Variants in KIF27 observed in about 807,000 individuals in gnomAD.
KIF27 encodes the protein kinesin-like protein KIF27.
Under a neutral mutation model 141.8 loss-of-function variants are expected in KIF27, and 84 were observed. The ratio of observed to expected loss-of-function variants is 0.59; its 90% CI spans 0.50 to 0.71. The LOEUF (loss-of-function observed/expected upper bound fraction) is 0.71. Among genes scored for constraint, KIF27 ranks in the 30% least tolerant of loss-of-function variants. KIF27 has a pLI of 0.00. For missense variants in KIF27, 1,306 were observed against 1,628.4 expected (o/e 0.80, Z 3.41); for synonymous variants, 471 against 569.5 (o/e 0.83, Z 2.46).
intron 14 of KIF27, among the ~76,000 whole-genome samples, chr9:83,855,618 G>A (rs1330108866): frequency 1.3e-5 from 2 of 152,084 alleles, no homozygotes; most frequent in South Asian, 2.1e-4. Flanking sequence ...AATACATAAC[G>A]AAACAAATTT....
chr9:83,908,735 T>C, intron 2 of KIF27, 83 bp from the exon 3 acceptor site: 1 of 809,930 alleles, frequency 1.2e-6, no homozygotes, highest in Non-Finnish European at 1.9e-6. Context: ...TAATTTATTT[T>C]ACTACATTTC....
At chr9:83,882,995 A>G (rs1245675911) in intron 10 of KIF27, among the ~76,000 whole-genome samples, 2 of 152,196 alleles carry the variant, frequency 1.3e-5, no homozygotes, top group Non-Finnish European at 2.9e-5. Context: ...ATATACTGGT[A>G]TATTACAATA....
At chr9:83,861,416 G>A (rs1227042751) in intron 13 of KIF27, among the ~76,000 whole-genome samples, 2 of 151,558 alleles carry the variant, frequency 1.3e-5, no homozygotes, top group African/African-American at 4.9e-5. Flanking sequence ...ACCTATGAGT[G>A]AGAATATGCG....
chr9:83,845,435 A>C (rs2131551015), intron 16 of KIF27, among the ~76,000 whole-genome samples: 1 of 152,294 alleles, frequency 6.6e-6, no homozygotes, highest in African/African-American at 2.4e-5. Flanking sequence ...TTACATGAGG[A>C]AGTGGCACAA....
intron 3 of KIF27, among the ~76,000 whole-genome samples, chr9:83,905,201 C>T (rs1307651785): frequency 6.6e-6 from 1 of 151,966 alleles, no homozygotes; most frequent in African/African-American, 2.4e-5. Flanking sequence ...TCACTGCAAG[C>T]TCCGCCTCCC....
rs1287070988 is a variant in KIF27 at position 83,853,851 on chromosome 9, A to G, written c.3151-16T>C. On this transcript the variant is annotated splice_polypyrimidine_tract_variant and intron_variant, in intron 14 of 17. Transcript: ENST00000297814. Reference sequence around the variant, plus strand: ...CATGTTCTTCCTAGATATAACAGAAATCACTCATTTTAAATGAAATAGTAT... The same window carrying G: ...CATGTTCTTCCTAGATATAACAGAAGTCACTCATTTTAAATGAAATAGTAT... The G allele has an allele frequency of 6.5e-6, 10 of 1,540,974 alleles. No individual in the cohort carries two copies. The highest frequency in any genetic ancestry group is 8.1e-6 in the Non-Finnish European group (9 of 1,114,362).
Position 83,852,410 on chromosome 9 carries a change from G to A in KIF27, c.3357+1219C>T, listed in dbSNP as rs1474856266. 4.7e-5 allele frequency among the ~76,000 whole-genome samples: 7 copies of A among 149,084 alleles called. 1 individual carries two copies. The East Asian group carries it at 1.2e-3, about 25-fold the overall frequency. On this transcript the variant is annotated intron_variant, in intron 15 of 17. Coordinates refer to ENST00000297814, the MANE Select transcript of KIF27 (RefSeq NM_017576.4). ...AGAGCTTGCACTGAGCCGAGATCAC[G>A]CCACTGCACTCCAGCCTGGGCGACA...
chr9:83,867,543 T>C, intron 13 of KIF27, 141 bp downstream of exon 13: 3 of 1,098,522 alleles, frequency 2.7e-6, no homozygotes, highest in Non-Finnish European at 3.6e-6. Context: ...CATTTTCCAA[T>C]TTCACCAGCA....
intron 13 of KIF27, among the ~76,000 whole-genome samples, chr9:83,866,818 G>A (rs1265684067): frequency 5.3e-5 from 8 of 151,926 alleles, no homozygotes; most frequent in African/African-American, 1.7e-4. Context: ...AGAGGTTGCA[G>A]TGAGCACAGA....
At chr9:83,840,994 G>A (rs938942342) in intron 17 of KIF27, among the ~76,000 whole-genome samples, 3 of 152,082 alleles carry the variant, frequency 2.0e-5, no homozygotes, top group African/African-American at 4.8e-5. Flanking sequence ...GCAGACCCCA[G>A]CCTATCCTGA....
intron 16 of KIF27, chr9:83,848,043 C>A (rs1261611556): frequency 2.1e-5 from 2 of 94,772 alleles, no homozygotes; most frequent in Non-Finnish European, 4.2e-5. Context: ...CTATATATAT[C>A]TACATATATC....
intron 3 of KIF27, among the ~76,000 whole-genome samples, chr9:83,905,458 G>C (rs1954422506): frequency 6.6e-6 from 1 of 152,066 alleles, no homozygotes; most frequent in Non-Finnish European, 1.5e-5. Context: ...GTGGACTTAG[G>C]AATTGAATCA....
intron 5 of KIF27, among the ~76,000 whole-genome samples, chr9:83,896,698 A>C (rs2132465340): frequency 6.6e-6 from 1 of 152,328 alleles, no homozygotes; most frequent in Non-Finnish European, 1.5e-5. Context: ...ACTTGATTGA[A>C]TCTTTCTATA....
At chr9:83,839,448 T>C (rs1946308747) in intron 17 of KIF27, among the ~76,000 whole-genome samples, 1 of 152,182 alleles carries the variant, frequency 6.6e-6, no homozygotes, top group African/African-American at 2.4e-5. Flanking sequence ...GTGATTTAAA[T>C]TGATACAAGG....
chr9:83,852,179 C>T (rs1321952799), intron 15 of KIF27, among the ~76,000 whole-genome samples: 2 of 151,804 alleles, frequency 1.3e-5, no homozygotes, highest in Non-Finnish European at 2.9e-5. Flanking sequence ...GGCGCGGTGG[C>T]TCACGCCTGT....
At chr9:83,885,797 C>A (rs1277583747) in intron 9 of KIF27, among the ~76,000 whole-genome samples, 3 of 152,020 alleles carry the variant, frequency 2.0e-5, no homozygotes, top group African/African-American at 7.2e-5. Flanking sequence ...ATGCCCAGTA[C>A]GCATCAGTAG....
At chr9:83,917,949 TTGTATA>T (rs1432384161) in intron 1 of KIF27, among the ~76,000 whole-genome samples, 3 of 152,298 alleles carry the variant, frequency 2.0e-5, no homozygotes, top group Non-Finnish European at 2.9e-5. Context: ...ACATTATACA[TTGTATA>T]CATGTACTGA....
rs144194298 is a variant in KIF27 at position 83,908,783 on chromosome 9, G to A, written c.299-131C>T. 9.0e-3 allele frequency: 4,066 copies of A among 453,542 alleles called. 36 individuals are homozygous for A. The highest frequency in any genetic ancestry group is 0.012 in the Non-Finnish European group (3,251 of 271,220). 28.1% of individuals were successfully genotyped at this position (453,542 alleles called of 1,614,324 possible). A position where few individuals can be genotyped will look rare whatever the true frequency, so the allele number is the denominator to read the frequency against. ...CTTTTTTTTTTTTTGGCGGGGGGAC[G>A]GAGTCTTGCTCTGTTGCCCAGGCTG... On this transcript the variant is annotated intron_variant, in intron 2 of 17. Coordinates refer to ENST00000297814, the MANE Select transcript of KIF27 (RefSeq NM_017576.4).
chr9:83,852,795 A>C (rs7042053), intron 15 of KIF27, among the ~76,000 whole-genome samples: 20,339 of 151,960 alleles, frequency 0.13, 1,450 homozygotes, highest in African/African-American at 0.14. Flanking sequence ...TACCCGGCTA[A>C]TTTTGGTATT....
Sources: gnomAD v4.1 joint callset for allele counts (sites outside exome capture counted in the v4.1 genomes callset) on GRCh38, gnomAD v4.1.1 for gene constraint, MANE v1.5 for transcripts, NCBI Gene and HGNC (gene_info 2026-07-23, HGNC 2026-07-21) for gene names.